Variants in SLC24A2 observed in about 807,000 individuals in gnomAD.
The protein encoded by SLC24A2 is solute carrier family 24 member 2.
SLC24A2 carries 36 observed loss-of-function variants against 62.0 expected under a neutral mutation model. That is an observed-to-expected ratio of 0.58 (90% CI 0.44 to 0.77). The LOEUF (loss-of-function observed/expected upper bound fraction) is 0.77, where lower values mean the gene tolerates loss of function less well. Among genes scored for constraint, SLC24A2 ranks in the 30% least tolerant of loss-of-function variants. SLC24A2 has a pLI of 0.00. For missense variants in SLC24A2, 846 were observed against 817.9 expected (o/e 1.03, Z -0.42); for synonymous variants, 358 against 294.0 (o/e 1.22, Z -2.23).
At position 19,751,154 on chromosome 9, in the gene SLC24A2, C is replaced by T. The variant is rs551593786; in HGVS notation, c.930+34783G>A. Among the ~76,000 whole-genome samples, 24 of 152,232 alleles carry T rather than the reference C, an allele frequency of 1.6e-4. No homozygotes were observed. In the South Asian group the frequency reaches 4.2e-3, roughly 26 times the overall value. ...TTTGAACCCCTATGACTTCACTTAG[C>T]GCTGACGGTAATAATTATAGCAGTA... On this transcript the variant is annotated intron_variant, in intron 2 of 10. Coordinates refer to ENST00000341998, the MANE Select transcript of SLC24A2 (RefSeq NM_020344.4).
At chr9:19,816,511 C>G in the SLC24A2 span, among the ~76,000 whole-genome samples, 2 of 152,020 alleles carry the variant, frequency 1.3e-5, no homozygotes, top group Admixed American at 1.3e-4. Context: ...GTGGTAGCTA[C>G]CTGTATTACA....
intron 7 of SLC24A2, among the ~76,000 whole-genome samples, chr9:19,552,342 G>A (rs942343441): frequency 6.6e-6 from 1 of 152,188 alleles, no homozygotes; most frequent in African/African-American, 2.4e-5. Context: ...TGGGGCCAAT[G>A]TGGATTAAGG....
chr9:20,131,612 G>A, the SLC24A2 span, among the ~76,000 whole-genome samples: 15 of 152,142 alleles, frequency 9.9e-5, no homozygotes, highest in African/African-American at 3.4e-4. Flanking sequence ...TGAGCCATAG[G>A]AGGCTTTTGA....
At chr9:20,229,981 G>T in the SLC24A2 span, among the ~76,000 whole-genome samples, 10 of 151,332 alleles carry the variant, frequency 6.6e-5, no homozygotes, top group African/African-American at 2.4e-4. Context: ...AGAACATGTG[G>T]TGTTTGGTTT....
chr9:20,258,827 ATCTATCTG>A, the SLC24A2 span, among the ~76,000 whole-genome samples: 4,730 of 139,932 alleles, frequency 0.034, 107 homozygotes, highest in African/African-American at 0.05. Context: ...TTATCTATCT[ATCTATCTG>A]TCTATCTATC....
chr9:19,834,815 C>A, the SLC24A2 span, among the ~76,000 whole-genome samples: 3 of 152,122 alleles, frequency 2.0e-5, no homozygotes, highest in Admixed American at 6.5e-5. Flanking sequence ...ATGTTAAGGG[C>A]AGCCAGAGAG....
rs1422627222 is a variant in SLC24A2 at position 19,509,001 on chromosome 9, C to T, written c.*7152G>A. The T allele has an allele frequency of 6.6e-6, 1 of 152,096 alleles. No individual in the cohort carries two copies. The highest frequency in any genetic ancestry group is 1.5e-5 in the Non-Finnish European group (1 of 68,022). The allele number at this position is 152,096 out of a possible 1,614,324, so 9.4% of individuals were successfully genotyped here. A position where few individuals can be genotyped will look rare whatever the true frequency, so the allele number is the denominator to read the frequency against. On this transcript the variant is annotated 3_prime_UTR_variant, in exon 11 of 11. Coordinates refer to ENST00000341998, the MANE Select transcript of SLC24A2 (RefSeq NM_020344.4). ...TCCCAAGGAAGGTTAGTAATTTAGG[C>T]ATAAGGAATTATTGATAAATTGTAT... is the stretch of plus-strand genomic sequence containing the variant.
chr9:19,944,867 C>A, the SLC24A2 span, among the ~76,000 whole-genome samples: 1 of 152,106 alleles, frequency 6.6e-6, no homozygotes, highest in Admixed American at 6.5e-5. Flanking sequence ...AAAAAAGGAC[C>A]ATTCTAAATT....
chr9:19,602,715 C>T (rs943158030), intron 4 of SLC24A2, among the ~76,000 whole-genome samples: 2 of 152,144 alleles, frequency 1.3e-5, no homozygotes, highest in African/African-American at 2.4e-5. Context: ...AACCCAGCTC[C>T]ATCAGTTTCT....
At chr9:19,895,229 GT>G in the SLC24A2 span, among the ~76,000 whole-genome samples, 12,919 of 139,578 alleles carry the variant, frequency 0.093, 598 homozygotes, top group East Asian at 0.25. Flanking sequence ...GGTTTATTTT[GT>G]TTTTTTTTTT....
chr9:19,777,126 G>A (rs781510453), intron 2 of SLC24A2, among the ~76,000 whole-genome samples: 4 of 152,198 alleles, frequency 2.6e-5, no homozygotes, highest in Non-Finnish European at 5.9e-5. Context: ...GCTAAAGTTA[G>A]TGATTCTCAG....
intron 2 of SLC24A2, among the ~76,000 whole-genome samples, chr9:19,662,936 C>G (rs1237723467): frequency 6.6e-6 from 1 of 152,104 alleles, no homozygotes; most frequent in Non-Finnish European, 1.5e-5. Flanking sequence ...ATCACTAATA[C>G]CAAATACTGT....
the SLC24A2 span, among the ~76,000 whole-genome samples, chr9:20,232,650 C>T: frequency 2.5e-4 from 38 of 152,128 alleles, 1 homozygote; most frequent in South Asian, 1.7e-3. Context: ...GTCTTGCTAG[C>T]GGTCTATCAA....
chr9:19,695,170 G>A (rs1391266811), intron 2 of SLC24A2, among the ~76,000 whole-genome samples: 2 of 152,208 alleles, frequency 1.3e-5, no homozygotes, highest in South Asian at 2.1e-4. Flanking sequence ...AGAGGCTAGG[G>A]AAGCTGCTAA....
the SLC24A2 span, among the ~76,000 whole-genome samples, chr9:20,133,325 G>A: frequency 6.6e-6 from 1 of 151,962 alleles, no homozygotes; most frequent in South Asian, 2.1e-4. Flanking sequence ...TTCAAATTTG[G>A]TATAACTGAT....
the SLC24A2 span, among the ~76,000 whole-genome samples, chr9:19,796,491 C>G: frequency 6.6e-6 from 1 of 152,200 alleles, no homozygotes; most frequent in Non-Finnish European, 1.5e-5. Context: ...GTCCTGAAGC[C>G]TCTTTCTTGT....
chr9:19,740,914 A>G (rs1184269928), intron 2 of SLC24A2, among the ~76,000 whole-genome samples: 1 of 151,614 alleles, frequency 6.6e-6, no homozygotes. Context: ...ACAGAGACCC[A>G]CAACAGCCTC....
chr9:19,933,353 T>G, the SLC24A2 span, among the ~76,000 whole-genome samples: 1 of 152,248 alleles, frequency 6.6e-6, no homozygotes, highest in Admixed American at 6.5e-5. Flanking sequence ...AGTTAAGAAC[T>G]TCTGATATCA....
intron 2 of SLC24A2, among the ~76,000 whole-genome samples, chr9:19,778,371 T>A (rs1002303802): frequency 6.6e-6 from 1 of 152,072 alleles, no homozygotes; most frequent in Non-Finnish European, 1.5e-5. Flanking sequence ...AATACAAACA[T>A]GAGGCCTGAT....
Sources: allele counts gnomAD v4.1 joint callset (sites outside exome capture counted in the v4.1 genomes callset), GRCh38; gene constraint gnomAD v4.1.1; transcripts MANE v1.5; gene names NCBI Gene and HGNC (gene_info 2026-07-23, HGNC 2026-07-21).